Variants in ADAM9 observed in about 807,000 individuals in gnomAD.
The protein encoded by ADAM9 is disintegrin and metalloproteinase domain-containing protein 9.
ADAM9 carries 54 observed loss-of-function variants against 108.1 expected under a neutral mutation model. That is an observed-to-expected ratio of 0.50 (90% confidence interval 0.40 to 0.63). The LOEUF (loss-of-function observed/expected upper bound fraction) is 0.63, where lower values mean the gene tolerates loss of function less well. ADAM9 is among the 20% of genes least tolerant of loss of function. ADAM9 has a pLI of 0.00. For synonymous variants in ADAM9, 316 were observed against 336.0 expected (o/e 0.94, Z 0.65); for missense variants, 830 against 997.7 (o/e 0.83, Z 2.26).
intron 12 of ADAM9, among the ~76,000 whole-genome samples, chr8:39,052,358 T>C (rs1046183406): frequency 5.3e-5 from 8 of 152,104 alleles, no homozygotes; most frequent in East Asian, 1.9e-4. Context: ...TTCTATAAGA[T>C]GGACATAACT....
intron 2 of ADAM9, among the ~76,000 whole-genome samples, chr8:39,008,240 G>A (rs543232363): frequency 5.3e-5 from 8 of 150,756 alleles, no homozygotes; most frequent in Admixed American, 1.3e-4. Flanking sequence ...GTGTGATCTC[G>A]GCTCACTGCA....
chr8:39,055,037 T>C (rs574060330), intron 13 of ADAM9, among the ~76,000 whole-genome samples: 1 of 152,272 alleles, frequency 6.6e-6, no homozygotes, highest in Non-Finnish European at 1.5e-5. Context: ...TGGACTTTTT[T>C]CCCATTCATG....
intron 21 of ADAM9, among the ~76,000 whole-genome samples, chr8:39,103,336 C>CTT (rs35241680): frequency 1.4e-5 from 2 of 142,884 alleles, no homozygotes; most frequent in South Asian, 2.2e-4. Flanking sequence ...ATTTCATGTG[C>CTT]TTTTTTTTTT....
intron 15 of ADAM9, among the ~76,000 whole-genome samples, chr8:39,074,165 C>T (rs1329506014): frequency 6.6e-6 from 1 of 152,142 alleles, no homozygotes; most frequent in Non-Finnish European, 1.5e-5. Context: ...CCCATTGAAA[C>T]TACCAAAAAC....
At chr8:39,059,529 G>C (rs1174695520) in intron 14 of ADAM9, among the ~76,000 whole-genome samples, 1 of 152,232 alleles carries the variant, frequency 6.6e-6, no homozygotes, top group African/African-American at 2.4e-5. Context: ...GATGAGAATA[G>C]TTGGCTGGGG....
intron 14 of ADAM9, 115 bp from the exon 15 acceptor site, chr8:39,071,183 G>T: frequency 1.2e-6 from 1 of 862,806 alleles, no homozygotes. Flanking sequence ...CCACGGTGTT[G>T]AGGGGTATTG....
At chr8:39,003,001 C>T (rs1352915271) in intron 1 of ADAM9, among the ~76,000 whole-genome samples, 9 of 152,246 alleles carry the variant, frequency 5.9e-5, no homozygotes, top group East Asian at 3.9e-4. Flanking sequence ...CTCAGCCTCC[C>T]GAGTAGCTGG....
intron 11 of ADAM9, 144 bp downstream of exon 11, chr8:39,026,954 G>T: frequency 4.4e-5 from 42 of 953,812 alleles, no homozygotes; most frequent in Non-Finnish European, 5.9e-5. Flanking sequence ...ATACCAATGA[G>T]AAGTCTTTTT....
chr8:39,038,802 G>C (rs1344211236), intron 11 of ADAM9, among the ~76,000 whole-genome samples: 2 of 152,154 alleles, frequency 1.3e-5, no homozygotes, highest in African/African-American at 4.8e-5. Flanking sequence ...TTCTGTTATT[G>C]ACAAAAGCCT....
rs893388889 is a variant in ADAM9, at chr8:39,071,193, G to A, written c.1592-105G>A. 4.0e-6 allele frequency: 4 copies of A among 1,007,876 alleles called. No homozygotes were observed. In the Admixed American group the frequency reaches 8.2e-5, roughly 21 times the overall value. 62.4% of individuals were successfully genotyped at this position (1,007,876 alleles called of 1,614,324 possible). A position where few individuals can be genotyped will look rare whatever the true frequency, so the allele number is the denominator to read the frequency against. ...GTTTTCCACGGTGTTGAGGGGTATT[G>A]AGGCTGTTCATCCAGGTGTTTAGAC... On this transcript the variant is annotated intron_variant, in intron 14 of 21. Coordinates refer to ENST00000487273, the MANE Select transcript of ADAM9 (RefSeq NM_003816.3).
In ADAM9 at chr8:39,063,543, G is replaced by A. The variant is rs551723637; in HGVS notation, c.1592-7755G>A. 2.6e-5 allele frequency among the ~76,000 whole-genome samples: 4 copies of A among 152,286 alleles called. No homozygotes were observed. The South Asian group carries it at 6.2e-4, about 24-fold the overall frequency. ...TTGAGACCAGCCTGGCCAACATGGC[G>A]AAACCCTGTCTCCATTAAAAACACA... On this transcript the variant is annotated intron_variant, in intron 14 of 21. Transcript: ENST00000487273.
At chr8:39,087,846 A>G (rs1270780400) in intron 18 of ADAM9, among the ~76,000 whole-genome samples, 2 of 152,070 alleles carry the variant, frequency 1.3e-5, no homozygotes, top group Non-Finnish European at 2.9e-5. Flanking sequence ...ATAGTTGAAA[A>G]CCCATGTGTA....
chr8:39,018,966 A>AAGTG, intron 7 of ADAM9, 48 bp downstream of exon 7: 2 of 1,510,064 alleles, frequency 1.3e-6, no homozygotes, highest in South Asian at 1.1e-5. Context: ...AGGATATGAG[A>AAGTG]AGTGAGCATT....
Position 39,055,696 on chromosome 8 carries a change from C to T in ADAM9, c.1515C>T (p.Cys505=), listed in dbSNP as rs768236982. 74 of 1,613,572 alleles carry T rather than the reference C, an allele frequency of 4.6e-5. 1 individual carries two copies. The East Asian group carries it at 9.1e-4, about 20-fold the overall frequency. The change falls in exon 14 of 22, where the codon TGC becomes TGT. Residue 505 remains cysteine (C), a synonymous_variant. Transcript: ENST00000487273. ...PDVFIQNGYP[C]QNNKAYCYNG... ...TTTTTATTCAGAATGGATATCCTTG[C>T]CAGAATAACAAAGCCTATTGCTACA... is the stretch of plus-strand genomic sequence containing the variant.
chr8:39,096,244 T>C (rs1366598325), intron 20 of ADAM9, among the ~76,000 whole-genome samples: 2 of 145,998 alleles, frequency 1.4e-5, no homozygotes, highest in African/African-American at 4.9e-5. Context: ...TCTACTCTTT[T>C]AGCTATTTTG....
intron 18 of ADAM9, among the ~76,000 whole-genome samples, chr8:39,087,219 T>TAAAGAA (rs1839205254): frequency 1.3e-5 from 2 of 152,348 alleles, no homozygotes; most frequent in African/African-American, 4.8e-5. Context: ...GGCACTAACC[T>TAAAGAA]TGGACAATTC....
intron 9 of ADAM9, 74 bp from the exon 10 acceptor site, chr8:39,025,729 A>G: frequency 1.4e-6 from 2 of 1,401,862 alleles, no homozygotes; most frequent in Non-Finnish European, 2.0e-6. Flanking sequence ...TCCAGTTGAG[A>G]TTATTCATAA....
At chr8:39,045,302 A>AGGTG in intron 12 of ADAM9, among the ~76,000 whole-genome samples, 1 of 106,372 alleles carries the variant, frequency 9.4e-6, no homozygotes, top group African/African-American at 3.9e-5. Context: ...GTACACCTAT[A>AGGTG]CATGTGTGTG....
chr8:39,063,783 TC>T (rs1588400174), intron 14 of ADAM9, among the ~76,000 whole-genome samples: 1 of 152,274 alleles, frequency 6.6e-6, no homozygotes, highest in East Asian at 1.9e-4. Context: ...TATCAAAGTC[TC>T]CCCACATGTC....
Sources: gnomAD v4.1 joint callset for allele counts (sites outside exome capture counted in the v4.1 genomes callset) on GRCh38, gnomAD v4.1.1 for gene constraint, MANE v1.5 for transcripts, NCBI Gene and HGNC (gene_info 2026-07-23, HGNC 2026-07-21) for gene names.